The following NUCKS1 variants were observed in gnomAD, a reference collection of about 807,000 sequenced individuals.
NUCKS1 encodes the protein nuclear ubiquitous casein and cyclin-dependent kinase substrate 1.
NUCKS1 carries 2 observed loss-of-function variants against 33.0 expected under a neutral mutation model. The ratio of observed to expected loss-of-function variants is 0.06; its 90% CI spans 0.02 to 0.19. NUCKS1 has a LOEUF of 0.19. Ranked by LOEUF, NUCKS1 falls within the 10% of genes least tolerant of loss-of-function variation. The pLI is 1.00. For synonymous variants in NUCKS1, 106 were observed against 102.8 expected (o/e 1.03, Z -0.19); for missense variants, 201 against 293.6 (o/e 0.68, Z 2.31).
At chr1:205,739,997 GTTTTT>G (rs60866378) in intron 1 of NUCKS1, among the ~76,000 whole-genome samples, 21 of 81,776 alleles carry the variant, frequency 2.6e-4, no homozygotes, top group Non-Finnish European at 4.2e-4. Flanking sequence ...TTTACTTTAG[GTTTTT>G]TTTTTTTTTT....
chr1:205,727,863 T>C lies in NUCKS1; in HGVS notation c.68-58A>G, dbSNP rs1653815867. On this transcript the variant is annotated intron_variant, in intron 2 of 6. Coordinates refer to ENST00000367142, the MANE Select transcript of NUCKS1 (RefSeq NM_022731.5). Reference sequence around the variant, plus strand: ...GATTTTTACATGTTAAAATCACCACTATATTTACTGACATAATTATCTCTC... The same window carrying C: ...GATTTTTACATGTTAAAATCACCACCATATTTACTGACATAATTATCTCTC... 3.7e-6 allele frequency: 4 copies of C among 1,095,722 alleles called. No individual in the cohort carries two copies. The South Asian group carries it at 5.2e-5, about 14-fold the overall frequency. The allele number at this position is 1,095,722 out of a possible 1,614,324, so 67.9% of individuals were successfully genotyped here. A position where few individuals can be genotyped will look rare whatever the true frequency, so the allele number is the denominator to read the frequency against.
intron 1 of NUCKS1, among the ~76,000 whole-genome samples, chr1:205,738,440 A>AT (rs34617208): frequency 0.35 from 49,406 of 140,770 alleles, 9,882 homozygotes; most frequent in Non-Finnish European, 0.46. Flanking sequence ...TGCCCAGCTA[A>AT]TTTTTTTTTT....
Position 205,750,167 on chromosome 1 carries a change from T to G in NUCKS1, c.-194A>C. 2 of 596,696 alleles carry G rather than the reference T, an allele frequency of 3.4e-6. No homozygotes were observed. Among genetic ancestry groups the G allele is most frequent in the Non-Finnish European group, 3.0e-6 (1 of 332,818 alleles). 37.0% of individuals were successfully genotyped at this position (596,696 alleles called of 1,614,324 possible). On this transcript the variant is annotated 5_prime_UTR_variant, in exon 1 of 7. Transcript: ENST00000367142. ...AACAGACGAGCCCCCCGCTCCCCCG[T>G]CTCTTCAAAATGGATGAATCAAACC...
At chr1:205,744,029 A>G (rs543969862) in intron 1 of NUCKS1, among the ~76,000 whole-genome samples, 18 of 152,314 alleles carry the variant, frequency 1.2e-4, no homozygotes, top group African/African-American at 4.3e-4. Flanking sequence ...TTCACACTAA[A>G]TACTCCACTG....
chr1:205,744,634 T>TTTTTG (rs1553253170), intron 1 of NUCKS1, among the ~76,000 whole-genome samples: 1 of 135,536 alleles, frequency 7.4e-6, no homozygotes, highest in African/African-American at 2.8e-5. Context: ...ACTAGAGTTT[T>TTTTTG]TTTTTTTTTT....
rs537194488 is a variant in NUCKS1, at chr1:205,731,793, G to A, written c.18-2172C>T. On this transcript the variant is annotated intron_variant, in intron 1 of 6. Transcript: ENST00000367142. ...TGTAGTCCCAGCTACTCGGGAGGCT[G>A]AGGCAGGAGAATGGCTTGAACCCGG... Among the ~76,000 whole-genome samples the A allele has an allele frequency of 5.3e-5, 8 of 152,076 alleles. No homozygotes were observed. The South Asian group carries it at 1.4e-3, about 28-fold the overall frequency.
At chr1:205,731,414 C>T (rs1250730511) in intron 1 of NUCKS1, 1 of 152,174 alleles carries the variant, frequency 6.6e-6, no homozygotes, top group Non-Finnish European at 1.5e-5. Flanking sequence ...TTTAACATCT[C>T]AAACAAATCT....
chr1:205,742,591 G>A (rs1281232383), intron 1 of NUCKS1, among the ~76,000 whole-genome samples: 2 of 152,156 alleles, frequency 1.3e-5, no homozygotes, highest in Admixed American at 6.5e-5. Context: ...TTGGGAGGCC[G>A]AGGTGGGCGG....
At position 205,750,062 on chromosome 1, in the gene NUCKS1, T is replaced by C; in HGVS notation, c.-89A>G. ...CTCGGCGCCCCACCCCCCCCGAACT[T>C]CAGCCGATGGGACCGCTGCTGCCGA... On this transcript the variant is annotated 5_prime_UTR_variant, in exon 1 of 7. Transcript: ENST00000367142. 8 of 813,370 alleles carry C rather than the reference T, an allele frequency of 9.8e-6. No individual in the cohort carries two copies. The highest frequency in any genetic ancestry group is 3.4e-5 in the African/African-American group (1 of 29,310). The allele number at this position is 813,370 out of a possible 1,614,324, so 50.4% of individuals were successfully genotyped here.
At chr1:205,748,638 C>T (rs551067747) in intron 1 of NUCKS1, among the ~76,000 whole-genome samples, 33 of 152,232 alleles carry the variant, frequency 2.2e-4, no homozygotes, top group African/African-American at 7.7e-4. Context: ...TGTAGGAGTA[C>T]GCAGTCTCAT....
At position 205,750,015 on chromosome 1, in the gene NUCKS1, A is replaced by AGGGGGGGGGGGGGGGGGGGGGGGGGGGGG; in HGVS notation, c.-43_-42insCCCCCCCCCCCCCCCCCCCCCCCCCCCCC. 2.0e-6 allele frequency: 3 copies of AGGGGGGGGGGGGGGGGGGGGGGGGGGGGG among 1,506,270 alleles called. No individual in the cohort carries two copies. The highest frequency in any genetic ancestry group is 1.8e-6 in the Non-Finnish European group (2 of 1,114,418). 93.3% of individuals were successfully genotyped at this position (1,506,270 alleles called of 1,614,324 possible). A position where few individuals can be genotyped will look rare whatever the true frequency, so the allele number is the denominator to read the frequency against. On this transcript the variant is annotated 5_prime_UTR_variant, in exon 1 of 7. Coordinates refer to ENST00000367142, the MANE Select transcript of NUCKS1 (RefSeq NM_022731.5). ...GGACCGAGTCGAGAAGCCAAAGACC[A>AGGGGGGGGGGGGGGGGGGGGGGGGGGGGG]GGACCCCCCCCACCCCGCGCGCTCG... is the stretch of plus-strand genomic sequence containing the variant.
rs1365384120 is a variant in NUCKS1, at chr1:205,713,084, G to A, written c.*5196C>T. The A allele has an allele frequency of 6.6e-6, 1 of 152,098 alleles. No homozygotes were observed. The highest frequency in any genetic ancestry group is 1.5e-5 in the Non-Finnish European group (1 of 68,022). The allele number at this position is 152,098 out of a possible 1,614,324, so 9.4% of individuals were successfully genotyped here. ...GTTAAAGTTTCTAAATAATTTATTA[G>A]GGAAATAAGTTCCCACAAAGTCAGG... On this transcript the variant is annotated 3_prime_UTR_variant, in exon 7 of 7. Transcript: ENST00000367142.
intron 1 of NUCKS1, among the ~76,000 whole-genome samples, chr1:205,739,306 T>C (rs1000883075): frequency 6.6e-6 from 1 of 152,232 alleles, no homozygotes; most frequent in African/African-American, 2.4e-5. Flanking sequence ...AAAGAACTGA[T>C]GCAATTAAAG....
intron 4 of NUCKS1, 48 bp downstream of exon 4, chr1:205,723,875 AAAT>A: frequency 7.8e-7 from 1 of 1,290,138 alleles, no homozygotes; most frequent in Non-Finnish European, 1.1e-6. Flanking sequence ...ACATCTAATA[AAAT>A]AATATACAAA....
intron 1 of NUCKS1, among the ~76,000 whole-genome samples, chr1:205,741,297 C>CAAAA (rs56979923): frequency 4.0e-3 from 312 of 78,306 alleles, no homozygotes; most frequent in Middle Eastern, 7.6e-3. Context: ...GAGACTGTCT[C>CAAAA]AAAAAAAAAA....
At chr1:205,742,428 C>G (rs1461979626) in intron 1 of NUCKS1, among the ~76,000 whole-genome samples, 2 of 152,152 alleles carry the variant, frequency 1.3e-5, no homozygotes, top group South Asian at 2.1e-4. Context: ...AACTGTATAA[C>G]GATTAGTTTC....
At chr1:205,737,711 T>C (rs1415357320) in intron 1 of NUCKS1, among the ~76,000 whole-genome samples, 2 of 152,272 alleles carry the variant, frequency 1.3e-5, no homozygotes, top group Non-Finnish European at 2.9e-5. Context: ...GTTAAACTTT[T>C]TAGCAGTAAA....
rs1671786395 is a variant in NUCKS1, at chr1:205,714,166, C to CACTCACACGT, written c.*4104_*4113dup. On this transcript the variant is annotated 3_prime_UTR_variant, in exon 7 of 7. Coordinates refer to ENST00000367142, the MANE Select transcript of NUCKS1 (RefSeq NM_022731.5). ...TAATTGCCAGATGTATACAAACACA[C>CACTCACACGT]ACTCACACGTACACACCCACACAAT... 6.6e-6 allele frequency: 1 copy of CACTCACACGT among 152,174 alleles called. No individual in the cohort carries two copies. Among genetic ancestry groups the CACTCACACGT allele is most frequent in the Non-Finnish European group, 1.5e-5 (1 of 68,034 alleles). The allele number at this position is 152,174 out of a possible 1,614,324, so 9.4% of individuals were successfully genotyped here.
chr1:205,744,672 G>T (rs1486276647), intron 1 of NUCKS1, among the ~76,000 whole-genome samples: 1 of 98,712 alleles, frequency 1.0e-5, no homozygotes. Context: ...CGCCCTTGTT[G>T]CCCAGGCTCC....
Sources: gnomAD v4.1 joint callset for allele counts (sites outside exome capture counted in the v4.1 genomes callset) on GRCh38, gnomAD v4.1.1 for gene constraint, MANE v1.5 for transcripts, NCBI Gene and HGNC (gene_info 2026-07-23, HGNC 2026-07-21) for gene names.